Variants in GOLGA2 observed in about 807,000 individuals in gnomAD.
GOLGA2 encodes golgin A2, also known as golgin subfamily A member 2.
Under a neutral mutation model 148.8 loss-of-function variants are expected in GOLGA2, and 49 were observed. That is an observed-to-expected ratio of 0.33 (90% CI 0.26 to 0.42). The LOEUF is 0.42. Ranked by LOEUF, GOLGA2 falls within the 10% of genes least tolerant of loss-of-function variation. The pLI is 1.00. For missense variants in GOLGA2, 1,178 were observed against 1,304.6 expected (o/e 0.90, Z 1.49); for synonymous variants, 501 against 511.8 (o/e 0.98, Z 0.28).
chr9:128,274,699 A>G (rs1223400609), intron 1 of GOLGA2, among the ~76,000 whole-genome samples: 1 of 152,246 alleles, frequency 6.6e-6, no homozygotes, highest in Non-Finnish European at 1.5e-5. Flanking sequence ...AATTTAACAG[A>G]AAGAGGACAA....
chr9:128,274,499 C>G (rs1040684510), intron 1 of GOLGA2, among the ~76,000 whole-genome samples: 6 of 152,088 alleles, frequency 3.9e-5, no homozygotes, highest in African/African-American at 1.4e-4. Context: ...CAGTGACACC[C>G]CCTCTCTAAA....
At chr9:128,274,430 G>A (rs1831172216) in intron 1 of GOLGA2, among the ~76,000 whole-genome samples, 1 of 152,086 alleles carries the variant, frequency 6.6e-6, no homozygotes, top group South Asian at 2.1e-4. Context: ...CCAGCTACCT[G>A]GGAGGCTAAG....
Position 128,257,445 on chromosome 9 carries a change from A to G in GOLGA2, c.2799T>C (p.Ala933=). 6.2e-7 allele frequency: 1 copy of G among 1,613,008 alleles called. No homozygotes were observed. Among genetic ancestry groups the G allele is most frequent in the Non-Finnish European group, 8.5e-7 (1 of 1,179,968 alleles). Residue 933 remains alanine, a synonymous_variant, in exon 26 of 27, where the codon GCT becomes GCC. Transcript: ENST00000611957. This position sits in a 1 kb window ranked among gnomAD's most constrained non-coding sequence, Gnocchi z 8.0. ...RNEWHGRFLA[A]AQNPADEPTS... ...TGGGCTCATCAGCAGGGTTCTGGGC[A>G]GCTGCCAGGAATCTGCCATGCCACT...
Position 128,275,982 on chromosome 9 carries a change from C to G in GOLGA2, c.-6G>C. The G allele has an allele frequency of 1.3e-6, 2 of 1,599,230 alleles. No homozygotes were observed. The highest frequency in any genetic ancestry group is 1.7e-6 in the Non-Finnish European group (2 of 1,172,008). ...AGGCGGGGTTGGGGCCACATCAGCG[C>G]GATCCCGGCAACCACTGCGGAAGTC... On this transcript the variant is annotated 5_prime_UTR_variant, in exon 1 of 27. Transcript: ENST00000611957.
chr9:128,257,361 C>T lies in GOLGA2; in HGVS notation c.2875+8G>A. ...TGCCTGCCCACCCCTCCCGAGGGCT[C>T]TACTCACCACCCTGCTGGTTGGCAG... On this transcript the variant is annotated splice_region_variant and intron_variant, in intron 26 of 26. Transcript: ENST00000611957. This position sits in a 1 kb window ranked among gnomAD's most constrained non-coding sequence, Gnocchi z 8.0. 6.2e-7 allele frequency: 1 copy of T among 1,613,152 alleles called. No homozygotes were observed.
chr9:128,263,156 C>T lies in GOLGA2; in HGVS notation c.934-64G>A. 5 of 910,514 alleles carry T rather than the reference C, an allele frequency of 5.5e-6. No individual in the cohort carries two copies. In the South Asian group the frequency reaches 6.5e-5, roughly 12 times the overall value. 56.4% of individuals were successfully genotyped at this position (910,514 alleles called of 1,614,324 possible). A position where few individuals can be genotyped will look rare whatever the true frequency, so the allele number is the denominator to read the frequency against. On this transcript the variant is annotated intron_variant, in intron 12 of 26. Transcript: ENST00000611957. ...AGAGGAGCAGCTGGCCAACCAGTAA[C>T]AACAGCTACAGTAAGTACTCCACAG... is the stretch of plus-strand genomic sequence containing the variant.
At position 128,261,298 on chromosome 9, in the gene GOLGA2, C is replaced by T; in HGVS notation, c.1333-39G>A. The T allele has an allele frequency of 6.6e-7, 1 of 1,516,772 alleles. No individual in the cohort carries two copies. The highest frequency in any genetic ancestry group is 9.2e-7 in the Non-Finnish European group (1 of 1,091,952). 94.0% of individuals were successfully genotyped at this position (1,516,772 alleles called of 1,614,324 possible). ...AGCAAGAAAGGGCCCTGGAGAGGGG[C>T]TGGTGGCTGGACAGGCTACCATCTC... is the stretch of plus-strand genomic sequence containing the variant. On this transcript the variant is annotated intron_variant, in intron 16 of 26. Transcript: ENST00000611957. This position sits in a 1 kb window ranked among gnomAD's most constrained non-coding sequence, Gnocchi z 5.7.
intron 3 of GOLGA2, among the ~76,000 whole-genome samples, chr9:128,270,129 ATT>A (rs776425049): frequency 1.2e-4 from 14 of 115,128 alleles, no homozygotes; most frequent in Admixed American, 1.9e-4. Flanking sequence ...GAGGAAGGGA[ATT>A]TTTTTTTTTT....
Position 128,265,869 on chromosome 9 carries a change from T to C in GOLGA2, c.745A>G (p.Thr249Ala). 1 of 1,613,242 alleles carries C rather than the reference T, an allele frequency of 6.2e-7. No individual in the cohort carries two copies. Among genetic ancestry groups the C allele is most frequent in the Non-Finnish European group, 8.5e-7 (1 of 1,179,218 alleles). ...TTCTCTGATACGAGGATCCCTATGG[T>C]CTGAATGTGAACCTTTGGGAGGAAA... is the stretch of plus-strand genomic sequence containing the variant. ...LREQLQVHIQ[T>A]IGILVSEKAE... The change falls in exon 11 of 27, where the codon ACC becomes GCC. Residue 249 changes from threonine to alanine, a missense_variant. This residue lies in a region of GOLGA2 where 304 missense variants were observed against 404.1 expected (regional missense o/e 0.75). Coordinates refer to ENST00000611957, the MANE Select transcript of GOLGA2 (RefSeq NM_001366244.2).
intron 19 of GOLGA2, among the ~76,000 whole-genome samples, chr9:128,259,676 A>C (rs1444645696): frequency 6.6e-6 from 1 of 152,244 alleles, no homozygotes; most frequent in Admixed American, 6.5e-5. Flanking sequence ...TCCACGTATT[A>C]TCTCATTGAA....
chr9:128,260,388 GC>G lies in GOLGA2; in HGVS notation c.1758+76del. On this transcript the variant is annotated intron_variant, in intron 18 of 26. Transcript: ENST00000611957. The surrounding 1 kb of genome is among the most constrained non-coding windows in gnomAD (Gnocchi z 4.8). ...TACCATTTCAAGTGAGGGCTACACT[GC>G]CCCACTTTACAGGTGGGAAAACAAA... 3 of 1,241,942 alleles carry G rather than the reference GC, an allele frequency of 2.4e-6. No homozygotes were observed. The highest frequency in any genetic ancestry group is 4.6e-5 in the East Asian group (2 of 43,118). 76.9% of individuals were successfully genotyped at this position (1,241,942 alleles called of 1,614,324 possible). A position where few individuals can be genotyped will look rare whatever the true frequency, so the allele number is the denominator to read the frequency against.
chr9:128,257,695 G>C lies in GOLGA2; in HGVS notation c.2624C>G (p.Ala875Gly). The change falls in exon 25 of 27, where the codon GCA (alanine) becomes GGA (glycine). Residue 875 changes from alanine (A) to glycine (G), a missense_variant. By Grantham distance (60) the Ala-to-Gly change is moderately conservative. Transcript: ENST00000611957. The surrounding 1 kb of genome is among the most constrained non-coding windows in gnomAD (Gnocchi z 8.0). ...CACTGCCCTCTGGCTCTGGTACAGT[G>C]CAATGTACTCTCCTGCGGGAGGACA... is the stretch of plus-strand genomic sequence containing the variant. ...GETDTIGEYI[A>G]LYQSQRAVLK... is the part of the protein sequence containing the mutation. The C allele has an allele frequency of 1.2e-6, 2 of 1,613,982 alleles. No individual in the cohort carries two copies. The highest frequency in any genetic ancestry group is 1.7e-6 in the Non-Finnish European group (2 of 1,179,864).
At chr9:128,275,778 C>T (rs370095156) in intron 1 of GOLGA2, 115 bp downstream of exon 1, 2 of 627,410 alleles carry the variant, frequency 3.2e-6, no homozygotes, top group East Asian at 3.3e-5. Context: ...AGCCCGGACG[C>T]GCCGTGGGGA....
chr9:128,273,183 G>A (rs763756364), intron 2 of GOLGA2, among the ~76,000 whole-genome samples: 1 of 152,164 alleles, frequency 6.6e-6, no homozygotes, highest in Non-Finnish European at 1.5e-5. Flanking sequence ...GAATCTAGTA[G>A]AACTACAAAC....
chr9:128,258,775 G>C lies in GOLGA2; in HGVS notation c.2174-205C>G. 1.6e-6 allele frequency: 1 copy of C among 615,240 alleles called. No homozygotes were observed. The highest frequency in any genetic ancestry group is 2.0e-5 in the South Asian group (1 of 50,298). 38.1% of individuals were successfully genotyped at this position (615,240 alleles called of 1,614,324 possible). On this transcript the variant is annotated intron_variant, in intron 21 of 26. Coordinates refer to ENST00000611957, the MANE Select transcript of GOLGA2 (RefSeq NM_001366244.2). This position sits in a 1 kb window ranked among gnomAD's most constrained non-coding sequence, Gnocchi z 6.6. ...GCAGTCCCACTACCGATCAGCATGG[G>C]AGTTCTGACCTGCTTCATTTCTGAC...
In GOLGA2 at chr9:128,260,781, G is replaced by A. The variant is rs1373459698; in HGVS notation, c.1442C>T (p.Pro481Leu). ...CTCCACCTCGGAGGGCCCTGCTGGG[G>A]GCTCTGGGGGCGGGGGTTCAGCTGA... Reference protein sequence around the residue: ...NQMAEPPPPEPPAGPSEVEQQ... With the variant: ...NQMAEPPPPELPAGPSEVEQQ... Residue 481 changes from proline to leucine, a missense_variant, in exon 18 of 27, where the codon CCC becomes CTC. Pro to Leu is a moderately conservative substitution (Grantham distance 98, BLOSUM62 -3). Coordinates refer to ENST00000611957, the MANE Select transcript of GOLGA2 (RefSeq NM_001366244.2). The surrounding 1 kb of genome is among the most constrained non-coding windows in gnomAD (Gnocchi z 4.8). 3 of 1,608,246 alleles carry A rather than the reference G, an allele frequency of 1.9e-6. No homozygotes were observed. The African/African-American group carries it at 4.0e-5, about 21-fold the overall frequency.
At chr9:128,264,901 C>A (rs895083170) in intron 12 of GOLGA2, among the ~76,000 whole-genome samples, 6 of 152,174 alleles carry the variant, frequency 3.9e-5, no homozygotes, top group Admixed American at 1.3e-4. Flanking sequence ...ACTATTATTA[C>A]CTCTATTTTG....
rs1831281951 is a variant in GOLGA2, at chr9:128,275,590, T to C, written c.84+303A>G. On this transcript the variant is annotated intron_variant, in intron 1 of 26. Coordinates refer to ENST00000611957, the MANE Select transcript of GOLGA2 (RefSeq NM_001366244.2). The stretch of plus-strand genomic sequence containing the variant: ...CTGAATTGCTGGGGTCCTAGGTCCT[T>C]GGAGACGCCAGCCCAAAGAGCCCAG... 7.0e-6 allele frequency: 7 copies of C among 1,002,016 alleles called. No homozygotes were observed. In the East Asian group the frequency reaches 2.3e-4, roughly 32 times the overall value. 62.1% of individuals were successfully genotyped at this position (1,002,016 alleles called of 1,614,324 possible). A position where few individuals can be genotyped will look rare whatever the true frequency, so the allele number is the denominator to read the frequency against.
In GOLGA2 at chr9:128,257,985, G is replaced by A; in HGVS notation, c.2503C>T (p.Leu835=). 3.7e-6 allele frequency: 6 copies of A among 1,602,086 alleles called. No individual in the cohort carries two copies. Among genetic ancestry groups the A allele is most frequent in the Non-Finnish European group, 5.1e-6 (6 of 1,171,614 alleles). ...HRALQGAMEK[L]QSRFMELMQE... ...GCCAGGAGAGACTCATTCACCTGCA[G>A]CTTCTCCATGGCCCCCTGCAGGGCC... The change falls in exon 23 of 27, where the codon CTG becomes TTG. Residue 835 remains leucine, a synonymous_variant. Coordinates refer to ENST00000611957, the MANE Select transcript of GOLGA2 (RefSeq NM_001366244.2). The surrounding 1 kb of genome is among the most constrained non-coding windows in gnomAD (Gnocchi z 8.0).
Sources: gnomAD v4.1 joint callset for allele counts (sites outside exome capture counted in the v4.1 genomes callset) on GRCh38, gnomAD v4.1.1 for gene constraint, gnomAD v4.1.1 regional missense constraint, Gnocchi (gnomAD v3.1) non-coding constraint, MANE v1.5 for transcripts, NCBI Gene and HGNC (gene_info 2026-07-23, HGNC 2026-07-21) for gene names.